The following DOCK3 variants were observed in gnomAD, a reference collection of about 807,000 sequenced individuals.
DOCK3 encodes dedicator of cytokinesis 3.
Under a neutral mutation model 265.6 loss-of-function variants are expected in DOCK3, and 60 were observed. The ratio of observed to expected loss-of-function variants is 0.23; its 90% CI spans 0.18 to 0.28. DOCK3 has a LOEUF of 0.28. DOCK3 is among the 10% of genes least tolerant of loss of function. The probability of loss-of-function intolerance (pLI) is 1.00; values close to 1 mark genes in which losing one functional copy is unlikely to be tolerated. For missense variants in DOCK3, 1,981 were observed against 2,594.3 expected (o/e 0.76, Z 5.14); for synonymous variants, 881 against 938.0 (o/e 0.94, Z 1.11).
chr3:51,075,372 C>G lies in DOCK3; in HGVS notation c.481C>G (p.Leu161Val). Residue 161 changes from leucine (L) to valine (V), a missense_variant, in exon 7 of 53, where the codon CTG becomes GTG. Leu to Val is a conservative substitution (Grantham distance 32, BLOSUM62 1). Around this residue, in one of 4 missense-constraint regions of DOCK3, gnomAD observed 456 missense variants for 539.0 expected, o/e 0.85. Transcript: ENST00000266037. ...CTTTACTAGACATTTGGGCCTGGAC[C>G]TGGTGCCTCGGAAGGACTTTGAAGT... is the stretch of plus-strand genomic sequence containing the variant. ...DWGNEHLGLDLVPRKDFEVVD... is the reference protein window; with the variant it reads ...DWGNEHLGLDVVPRKDFEVVD... 6.2e-7 allele frequency: 1 copy of G among 1,610,924 alleles called. No homozygotes were observed. Among genetic ancestry groups the G allele is most frequent in the South Asian group, 1.1e-5 (1 of 90,016 alleles).
intron 9 of DOCK3, among the ~76,000 whole-genome samples, chr3:51,144,604 T>G (rs958182861): frequency 1.3e-5 from 2 of 152,212 alleles, no homozygotes; most frequent in African/African-American, 4.8e-5. Context: ...GCATGTTCCC[T>G]GCTTATTCCC....
At chr3:51,181,383 C>A (rs558375804) in intron 12 of DOCK3, among the ~76,000 whole-genome samples, 2 of 146,894 alleles carry the variant, frequency 1.4e-5, no homozygotes, top group Non-Finnish European at 3.0e-5. Context: ...TGAGAACATG[C>A]GGTGTTTGGT....
chr3:50,712,686 A>G (rs1039626545), intron 1 of DOCK3, among the ~76,000 whole-genome samples: 1 of 151,956 alleles, frequency 6.6e-6, no homozygotes, highest in East Asian at 1.9e-4. Context: ...ATTCATCTCA[A>G]AGTCTTTTCT....
chr3:50,908,981 C>CT (rs1199833752), intron 4 of DOCK3, among the ~76,000 whole-genome samples: 3 of 151,782 alleles, frequency 2.0e-5, no homozygotes, highest in Admixed American at 1.3e-4. Context: ...CCTTCTTTGT[C>CT]TTTTTTGATA....
intron 9 of DOCK3, among the ~76,000 whole-genome samples, chr3:51,126,288 C>T (rs1195105661): frequency 1.3e-5 from 2 of 152,196 alleles, no homozygotes; most frequent in Non-Finnish European, 2.9e-5. Context: ...GTGCATTTTT[C>T]TACACCAGGC....
intron 27 of DOCK3, among the ~76,000 whole-genome samples, chr3:51,294,076 A>G (rs2081938688): frequency 6.6e-6 from 1 of 152,246 alleles, no homozygotes. Context: ...TAATCCAACA[A>G]TTCCACTTCT....
rs782447523 is a variant in DOCK3, at chr3:51,381,258, C to T, written c.5792C>T (p.Pro1931Leu). The T allele has an allele frequency of 8.1e-6, 13 of 1,613,870 alleles. No individual in the cohort carries two copies. The East Asian group carries it at 8.9e-5, about 11-fold the overall frequency. ...AATGCTGACGAAGATCTTGAGCCAC[C>T]CTACCTCCCTGTCCACTACAGCCTC... ...AWNADEDLEP[P>L]YLPVHYSLSE... is the part of the protein sequence containing the mutation. The change falls in exon 53 of 53, where the codon CCC (proline) becomes CTC (leucine). Residue 1931 changes from proline (P) to leucine (L), a missense_variant. This residue lies in a region of DOCK3 where 149 missense variants were observed against 144.7 expected (regional missense o/e 1.03). Transcript: ENST00000266037. This position sits in a 1 kb window ranked among gnomAD's most constrained non-coding sequence, Gnocchi z 5.6.
At chr3:50,713,004 A>C (rs1325717199) in intron 1 of DOCK3, among the ~76,000 whole-genome samples, 5 of 152,270 alleles carry the variant, frequency 3.3e-5, no homozygotes, top group African/African-American at 1.2e-4. Context: ...GTTCTTTCCC[A>C]GTTCTTGGAA....
intron 22 of DOCK3, among the ~76,000 whole-genome samples, chr3:51,257,157 C>T (rs1349137328): frequency 6.6e-6 from 1 of 152,216 alleles, no homozygotes; most frequent in East Asian, 1.9e-4. Context: ...GTTCTCACCA[C>T]TTCACACTTG....
intron 9 of DOCK3, among the ~76,000 whole-genome samples, chr3:51,105,743 C>G (rs1278165099): frequency 6.6e-6 from 1 of 152,090 alleles, no homozygotes; most frequent in African/African-American, 2.4e-5. Context: ...AAGATGGTTG[C>G]ACTCCTAGCA....
intron 9 of DOCK3, among the ~76,000 whole-genome samples, chr3:51,117,459 A>G (rs1405082776): frequency 6.6e-6 from 1 of 152,050 alleles, no homozygotes; most frequent in Non-Finnish European, 1.5e-5. Flanking sequence ...GTTTTGGTAT[A>G]AGGGTGATGC....
intron 3 of DOCK3, among the ~76,000 whole-genome samples, chr3:50,880,807 G>A (rs1054220441): frequency 1.3e-5 from 2 of 151,960 alleles, no homozygotes; most frequent in African/African-American, 4.8e-5. Flanking sequence ...TACCAAAGCC[G>A]GGCAGAGACA....
At chr3:50,834,123 C>G (rs978124331) in intron 2 of DOCK3, among the ~76,000 whole-genome samples, 2 of 151,816 alleles carry the variant, frequency 1.3e-5, no homozygotes, top group Non-Finnish European at 1.5e-5. Context: ...CCAGGAGAGT[C>G]CTGAAAGTTT....
intron 1 of DOCK3, among the ~76,000 whole-genome samples, chr3:50,681,194 T>A (rs763614606): frequency 6.6e-6 from 1 of 152,344 alleles, no homozygotes; most frequent in East Asian, 1.9e-4. Flanking sequence ...TTTAGAAACA[T>A]TAAGCTAAAT....
intron 5 of DOCK3, among the ~76,000 whole-genome samples, chr3:51,041,249 G>A (rs1250564693): frequency 1.9e-4 from 18 of 95,948 alleles, no homozygotes; most frequent in African/African-American, 4.9e-4. Flanking sequence ...ACAGAGTTTC[G>A]CTCTGTCGCC....
intron 5 of DOCK3, among the ~76,000 whole-genome samples, chr3:51,029,976 G>C (rs901744614): frequency 1.3e-5 from 2 of 152,080 alleles, no homozygotes; most frequent in Non-Finnish European, 2.9e-5. Context: ...ACGGGGTCGG[G>C]GGGTGGGCCA....
chr3:51,302,151 T>C (rs1426552658), intron 27 of DOCK3, among the ~76,000 whole-genome samples: 1 of 152,142 alleles, frequency 6.6e-6, no homozygotes, highest in Non-Finnish European at 1.5e-5. Flanking sequence ...ATAGCCCTTC[T>C]TGTTGCATTG....
At chr3:50,752,398 A>G (rs1208534462) in intron 1 of DOCK3, among the ~76,000 whole-genome samples, 1 of 152,096 alleles carries the variant, frequency 6.6e-6, no homozygotes, top group East Asian at 1.9e-4. Context: ...AGTCCCAGCT[A>G]CTCGGGAGGC....
intron 9 of DOCK3, among the ~76,000 whole-genome samples, chr3:51,131,156 C>T (rs1274967506): frequency 2.6e-5 from 4 of 152,098 alleles, no homozygotes; most frequent in African/African-American, 4.8e-5. Context: ...ATGCCAATTA[C>T]GCATTCAGGC....
Sources: allele counts gnomAD v4.1 joint callset (sites outside exome capture counted in the v4.1 genomes callset), GRCh38; gene constraint gnomAD v4.1.1; regional missense constraint gnomAD v4.1.1; non-coding constraint Gnocchi (gnomAD v3.1); transcripts MANE v1.5; gene names NCBI Gene and HGNC (gene_info 2026-07-23, HGNC 2026-07-21).